Variants in MITF observed in about 807,000 individuals in gnomAD.
MITF encodes microphthalmia-associated transcription factor.
Under a neutral mutation model 60.5 loss-of-function variants are expected in MITF, and 17 were observed. The ratio of observed to expected loss-of-function variants is 0.28; its 90% CI spans 0.19 to 0.42. The LOEUF (loss-of-function observed/expected upper bound fraction) is 0.42, where lower values mean the gene tolerates loss of function less well. MITF is among the 10% of genes least tolerant of loss of function. The probability of loss-of-function intolerance (pLI) is 1.00; values close to 1 mark genes in which losing one functional copy is unlikely to be tolerated. For missense variants in MITF, 622 were observed against 683.5 expected (o/e 0.91, Z 1.00); for synonymous variants, 260 against 248.5 (o/e 1.05, Z -0.43).
At chr3:69,892,565 A>G (rs534264316) in intron 2 of MITF, among the ~76,000 whole-genome samples, 1 of 152,338 alleles carries the variant, frequency 6.6e-6, no homozygotes, top group East Asian at 1.9e-4. Context: ...TTACTGCCAT[A>G]AAAATGGTCT....
Position 69,800,713 on chromosome 3 carries a change from T to C in MITF, c.104+61012T>C, listed in dbSNP as rs563697460. Among the ~76,000 whole-genome samples, 15 of 152,350 alleles carry C rather than the reference T, an allele frequency of 9.8e-5. No homozygotes were observed. The East Asian group carries it at 2.5e-3, about 25-fold the overall frequency. ...CTTTTGTGGTGACTCTTCGTGGCCT[T>C]AATTAGTTCCTCCCCCCTTTTCATT... On this transcript the variant is annotated intron_variant, in intron 1 of 9. Transcript: ENST00000352241.
intron 1 of MITF, among the ~76,000 whole-genome samples, chr3:69,794,503 C>A (rs1178847398): frequency 3.9e-5 from 6 of 152,094 alleles, no homozygotes; most frequent in Admixed American, 2.0e-4. Context: ...CCTTCTTGTG[C>A]CTTAATGGCA....
chr3:69,809,238 G>C (rs2063062274), intron 1 of MITF, among the ~76,000 whole-genome samples: 1 of 152,238 alleles, frequency 6.6e-6, no homozygotes, highest in South Asian at 2.1e-4. Context: ...GGAATGGGGT[G>C]AATGTGGGGG....
chr3:69,932,160 AG>A (rs2065738963), intron 2 of MITF, among the ~76,000 whole-genome samples: 1 of 152,174 alleles, frequency 6.6e-6, no homozygotes, highest in Non-Finnish European at 1.5e-5. Flanking sequence ...CCTAGAGAGC[AG>A]GGGTCAGCAT....
At chr3:69,798,393 A>G (rs1474504550) in intron 1 of MITF, among the ~76,000 whole-genome samples, 1 of 152,234 alleles carries the variant, frequency 6.6e-6, no homozygotes, top group Admixed American at 6.5e-5. Flanking sequence ...GGTCACATGC[A>G]AAATGGGGTT....
chr3:69,772,100 G>A (rs1347621266), intron 1 of MITF, among the ~76,000 whole-genome samples: 1 of 152,132 alleles, frequency 6.6e-6, no homozygotes, highest in African/African-American at 2.4e-5. Flanking sequence ...AGAGTAGCCT[G>A]GATGCAAACC....
intron 2 of MITF, among the ~76,000 whole-genome samples, chr3:69,912,444 A>G (rs2065244847): frequency 6.6e-6 from 1 of 152,216 alleles, no homozygotes; most frequent in Non-Finnish European, 1.5e-5. Context: ...TTTCAGGGAA[A>G]TAAAAGTAAT....
rs77697441 is a variant in MITF, at chr3:69,771,388, C to G, written c.104+31687C>G. 2.2e-3 allele frequency among the ~76,000 whole-genome samples: 336 copies of G among 152,184 alleles called. 1 individual carries two copies. Among genetic ancestry groups the G allele is most frequent in the Admixed American group, 4.0e-3 (61 of 15,292 alleles). On this transcript the variant is annotated intron_variant, in intron 1 of 9. Transcript: ENST00000352241. ...TATTTGCTTAAATGACTTTACAAGC[C>G]AGCTTAACTCATTTCCTGTTGGATG...
chr3:69,879,285 A>G lies in MITF; in HGVS notation c.256A>G (p.Met86Val), dbSNP rs1314700990. 1.9e-6 allele frequency: 3 copies of G among 1,614,096 alleles called. No homozygotes were observed. Among genetic ancestry groups the G allele is most frequent in the Admixed American group, 1.7e-5 (1 of 60,006 alleles). Residue 86 changes from methionine (M) to valine (V), a missense_variant, in exon 2 of 10, where the codon ATG becomes GTG. This residue lies in a region of MITF where 149 missense variants were observed against 157.8 expected (regional missense o/e 0.94). Transcript: ENST00000352241. ...GCAGAAGCTGCAGGCGGCCCAGTTC[A>G]TGCAACAGAGAGTGCCCGTGAGTCA... ...QQQKLQAAQFMQQRVPVSQTP... is the reference protein window; with the variant it reads ...QQQKLQAAQFVQQRVPVSQTP...
intron 6 of MITF, among the ~76,000 whole-genome samples, chr3:69,949,962 C>G (rs1233699060): frequency 1.3e-5 from 2 of 151,946 alleles, no homozygotes; most frequent in Non-Finnish European, 2.9e-5. Context: ...CTGTTCCAGT[C>G]AAGGATGTCT....
At chr3:69,836,667 C>G (rs1355672290) in intron 1 of MITF, among the ~76,000 whole-genome samples, 1 of 152,168 alleles carries the variant, frequency 6.6e-6, no homozygotes. Context: ...CCAGTTAGGA[C>G]AGGGTGGGAT....
chr3:69,800,086 C>T (rs2106947296), intron 1 of MITF, among the ~76,000 whole-genome samples: 1 of 152,216 alleles, frequency 6.6e-6, no homozygotes, highest in East Asian at 1.9e-4. Flanking sequence ...CAATAAGAAG[C>T]TTCGTACCTA....
chr3:69,921,087 G>A (rs1204800667), intron 2 of MITF, among the ~76,000 whole-genome samples: 1 of 152,142 alleles, frequency 6.6e-6, no homozygotes. Context: ...CCAGACACTG[G>A]TCTCGGACAC....
At position 69,739,512 on chromosome 3, in the gene MITF, TCGG is replaced by T; in HGVS notation, c.-85_-83del. 7.8e-7 allele frequency: 1 copy of T among 1,273,948 alleles called. No homozygotes were observed. The highest frequency in any genetic ancestry group is 1.1e-6 in the Non-Finnish European group (1 of 896,146). The allele number at this position is 1,273,948 out of a possible 1,614,324, so 78.9% of individuals were successfully genotyped here. A position where few individuals can be genotyped will look rare whatever the true frequency, so the allele number is the denominator to read the frequency against. ...TCGGCACTGCGCCGGGGCGCACGGCTCGGGGGACCCAGGCCCAGCTACCTTCCC... is the reference window on the plus strand; with the variant it reads ...TCGGCACTGCGCCGGGGCGCACGGCTGGGACCCAGGCCCAGCTACCTTCCC... On this transcript the variant is annotated 5_prime_UTR_variant, in exon 1 of 10. Coordinates refer to ENST00000352241, the MANE Select transcript of MITF (RefSeq NM_001354604.2).
chr3:69,942,813 G>A (rs1284983257), intron 5 of MITF, among the ~76,000 whole-genome samples: 1 of 152,010 alleles, frequency 6.6e-6, no homozygotes. Flanking sequence ...ATGCCCTGGG[G>A]AATTTATAAA....
intron 1 of MITF, chr3:69,758,835 T>C: frequency 4.7e-6 from 1 of 211,172 alleles, no homozygotes; most frequent in Non-Finnish European, 9.6e-6. Context: ...TTTTGTTAGC[T>C]ATGAGCCCTT....
At chr3:69,837,338 C>A (rs547940010) in intron 1 of MITF, among the ~76,000 whole-genome samples, 1 of 152,254 alleles carries the variant, frequency 6.6e-6, no homozygotes, top group African/African-American at 2.4e-5. Flanking sequence ...TAGCGCAATA[C>A]CTTTTGATTT....
intron 2 of MITF, among the ~76,000 whole-genome samples, chr3:69,921,463 C>T (rs2065466573): frequency 2.0e-5 from 3 of 152,128 alleles, no homozygotes; most frequent in Admixed American, 2.0e-4. Flanking sequence ...AGTTTTAGGG[C>T]ATAGTTTATC....
intron 1 of MITF, among the ~76,000 whole-genome samples, chr3:69,798,284 G>A (rs2062862936): frequency 6.6e-6 from 1 of 152,208 alleles, no homozygotes; most frequent in African/African-American, 2.4e-5. Context: ...GTGGAAGCCA[G>A]GCAGATCGAC....
Sources: gnomAD v4.1 joint callset for allele counts (sites outside exome capture counted in the v4.1 genomes callset) on GRCh38, gnomAD v4.1.1 for gene constraint, gnomAD v4.1.1 regional missense constraint, MANE v1.5 for transcripts, NCBI Gene and HGNC (gene_info 2026-07-23, HGNC 2026-07-21) for gene names.